Variants in AOAH observed in about 807,000 individuals in gnomAD.
The protein encoded by AOAH is acyloxyacyl hydrolase (neutrophil).
In AOAH, 64 loss-of-function variants were observed where a neutral mutation model predicts 92.2. The ratio of observed to expected loss-of-function variants is 0.69; its 90% CI spans 0.57 to 0.86. The LOEUF is 0.86. AOAH is among the 40% of genes least tolerant of loss of function. The probability of loss-of-function intolerance (pLI) is 0.00; values close to 1 mark genes in which losing one functional copy is unlikely to be tolerated. For synonymous variants in AOAH, 263 were observed against 254.5 expected, an observed-to-expected ratio of 1.03 and a Z score of -0.32; for missense variants, 656 against 694.6, an observed-to-expected ratio of 0.94 and a Z score of 0.62.
At chr7:36,697,682 C>A (rs544868676) in intron 1 of AOAH, among the ~76,000 whole-genome samples, 8 of 152,088 alleles carry the variant, frequency 5.3e-5, no homozygotes, top group Admixed American at 1.3e-4. Flanking sequence ...TTGAACAGTG[C>A]CCTAAAATTC....
At chr7:36,604,926 G>A (rs1435055626) in intron 11 of AOAH, among the ~76,000 whole-genome samples, 9 of 152,244 alleles carry the variant, frequency 5.9e-5, no homozygotes, top group South Asian at 2.1e-4. Context: ...TTTCTGCTCC[G>A]CTTTCCTTTG....
chr7:36,723,254 C>A (rs1278309569), intron 1 of AOAH, among the ~76,000 whole-genome samples: 1 of 152,082 alleles, frequency 6.6e-6, no homozygotes, highest in African/African-American at 2.4e-5. Flanking sequence ...CATCTAAATG[C>A]CACCACTATT....
At chr7:36,711,007 T>C (rs1798734639) in intron 1 of AOAH, among the ~76,000 whole-genome samples, 1 of 152,156 alleles carries the variant, frequency 6.6e-6, no homozygotes, top group Non-Finnish European at 1.5e-5. Flanking sequence ...GTCACATTTG[T>C]ACAGAGTGGC....
intron 3 of AOAH, among the ~76,000 whole-genome samples, chr7:36,671,156 T>G (rs760142008): frequency 6.6e-6 from 1 of 152,212 alleles, no homozygotes; most frequent in Non-Finnish European, 1.5e-5. Flanking sequence ...TTTTTTACTG[T>G]TTTCATACTT....
In AOAH at chr7:36,653,765, G is replaced by A. The variant is rs2116472130; in HGVS notation, c.390+5401C>T. ...GATCAAAGTGGCTGAAGTAAGTCTT[G>A]AGTGTGCCTTGGAGATGTTGGTAAA... On this transcript the variant is annotated intron_variant, in intron 4 of 20. Transcript: ENST00000617537. 2.0e-5 allele frequency among the ~76,000 whole-genome samples: 3 copies of A among 152,230 alleles called. No homozygotes were observed. The South Asian group carries it at 6.2e-4, about 32-fold the overall frequency.
intron 4 of AOAH, among the ~76,000 whole-genome samples, chr7:36,642,376 G>A (rs1484562797): frequency 1.3e-5 from 2 of 152,186 alleles, no homozygotes; most frequent in South Asian, 2.1e-4. Context: ...TGCTATCTAC[G>A]AGAAATGTCA....
At position 36,631,795 on chromosome 7, in the gene AOAH, T is replaced by A. The variant is rs548307224; in HGVS notation, c.521+241A>T. ...CAGTGAGCCTCACTGCGGGCTGCAT[T>A]CTAGCCTGGGGAACAGATCAGCTTT... On this transcript the variant is annotated intron_variant, in intron 6 of 20. Transcript: ENST00000617537. Among the ~76,000 whole-genome samples, 32 of 152,130 alleles carry A rather than the reference T, an allele frequency of 2.1e-4. 1 individual carries two copies. The highest frequency in any genetic ancestry group is 4.0e-4 in the Non-Finnish European group (27 of 68,008).
intron 1 of AOAH, among the ~76,000 whole-genome samples, chr7:36,688,781 C>T (rs193091394): frequency 4.2e-3 from 626 of 150,188 alleles, no homozygotes; most frequent in African/African-American, 0.015. Context: ...AGGCAAGAGA[C>T]TTTGAGTATA....
intron 9 of AOAH, among the ~76,000 whole-genome samples, chr7:36,619,046 T>G (rs1792101151): frequency 6.6e-6 from 1 of 152,204 alleles, no homozygotes; most frequent in Non-Finnish European, 1.5e-5. Flanking sequence ...GTGGAGCTGC[T>G]AGTCCTTGGA....
chr7:36,616,784 T>C (rs1791919032), intron 10 of AOAH, among the ~76,000 whole-genome samples: 1 of 152,216 alleles, frequency 6.6e-6, no homozygotes, highest in South Asian at 2.1e-4. Context: ...ATCCGAAATA[T>C]ACCCAAATTT....
chr7:36,545,345 C>T (rs1785734001), intron 15 of AOAH, among the ~76,000 whole-genome samples: 1 of 152,246 alleles, frequency 6.6e-6, no homozygotes, highest in African/African-American at 2.4e-5. Context: ...CCATGTCTCT[C>T]ACTGAAGAGT....
At chr7:36,573,152 A>G (rs577377645) in intron 13 of AOAH, among the ~76,000 whole-genome samples, 2 of 152,354 alleles carry the variant, frequency 1.3e-5, no homozygotes, top group African/African-American at 4.8e-5. Flanking sequence ...CAGGAGAGGA[A>G]GGGCTCTGCT....
intron 12 of AOAH, among the ~76,000 whole-genome samples, chr7:36,593,131 T>A (rs1789866027): frequency 6.6e-6 from 1 of 152,202 alleles, no homozygotes; most frequent in South Asian, 2.1e-4. Flanking sequence ...AGACCTGTCA[T>A]TAGTATATCT....
At position 36,686,691 on chromosome 7, in the gene AOAH, A is replaced by G. The variant is rs751600224; in HGVS notation, c.223+8T>C. ...GACCCTCAGCAGTATGACTCGTCCC[A>G]TATTTACCAGGCAGGTAGCTGCACA... On this transcript the variant is annotated splice_region_variant and intron_variant, in intron 2 of 20. Coordinates refer to ENST00000617537, the MANE Select transcript of AOAH (RefSeq NM_001637.4). The G allele has an allele frequency of 8.6e-6, 13 of 1,513,180 alleles. No individual in the cohort carries two copies. Among genetic ancestry groups the G allele is most frequent in the Admixed American group, 2.1e-5 (1 of 47,158 alleles). The allele number at this position is 1,513,180 out of a possible 1,614,324, so 93.7% of individuals were successfully genotyped here. A position where few individuals can be genotyped will look rare whatever the true frequency, so the allele number is the denominator to read the frequency against.
At chr7:36,706,661 A>G (rs865999492) in intron 1 of AOAH, among the ~76,000 whole-genome samples, 2 of 152,170 alleles carry the variant, frequency 1.3e-5, no homozygotes, top group Admixed American at 1.3e-4. Context: ...GTCTACATCA[A>G]CAATCATTTG....
At chr7:36,608,921 T>TGGGGGGGGGGGGGGGGGGGGG (rs1791214450) in intron 11 of AOAH, among the ~76,000 whole-genome samples, 1 of 86,224 alleles carries the variant, frequency 1.2e-5, no homozygotes, top group African/African-American at 4.3e-5. Flanking sequence ...GGGGGGGGGG[T>TGGGGGGGGGGGGGGGGGGGGG]CTGGTACAAA....
intron 13 of AOAH, among the ~76,000 whole-genome samples, chr7:36,550,798 G>A (rs1056583744): frequency 6.6e-6 from 1 of 152,114 alleles, no homozygotes; most frequent in Non-Finnish European, 1.5e-5. Flanking sequence ...TTCCAGCCTT[G>A]GAAGCTTGGG....
At chr7:36,514,465 G>A in intron 20 of AOAH, 1 of 1,530,642 alleles carries the variant, frequency 6.5e-7, no homozygotes, top group Non-Finnish European at 8.8e-7. Context: ...CCCAGCCTGA[G>A]GCTTACTCTC....
intron 20 of AOAH, among the ~76,000 whole-genome samples, chr7:36,517,945 C>A (rs7800911): frequency 3.9e-3 from 45 of 11,522 alleles, no homozygotes; most frequent in African/African-American, 0.011. Flanking sequence ...ACACACACAC[C>A]CACACACACA....
Sources: allele counts gnomAD v4.1 joint callset (sites outside exome capture counted in the v4.1 genomes callset), GRCh38; gene constraint gnomAD v4.1.1; transcripts MANE v1.5; gene names NCBI Gene and HGNC (gene_info 2026-07-23, HGNC 2026-07-21).